ROBO1: variants seen among roughly 807,000 people sequenced by gnomAD.
ROBO1 encodes the protein roundabout guidance receptor 1.
Under a neutral mutation model 195.9 loss-of-function variants are expected in ROBO1, and 149 were observed. The observed-to-expected ratio is 0.76, with a 90% CI of 0.67 to 0.87. The LOEUF (loss-of-function observed/expected upper bound fraction) is 0.87, where lower values mean the gene tolerates loss of function less well. Among genes scored for constraint, ROBO1 ranks in the 40% least tolerant of loss-of-function variants. The pLI, the probability that ROBO1 is intolerant of heterozygous loss-of-function variation, is 0.00. For synonymous variants in ROBO1, 816 were observed against 733.2 expected (o/e 1.11, Z -1.82); for missense variants, 1,933 against 2,068.3 (o/e 0.93, Z 1.27).
At chr3:78,668,891 G>T (rs888308364) in intron 11 of ROBO1, among the ~76,000 whole-genome samples, 1 of 152,036 alleles carries the variant, frequency 6.6e-6, no homozygotes, top group African/African-American at 2.4e-5. Context: ...AATATTTATG[G>T]CTAAGATATA....
chr3:79,436,433 A>C (rs2107085451), intron 2 of ROBO1, among the ~76,000 whole-genome samples: 1 of 151,998 alleles, frequency 6.6e-6, no homozygotes, highest in African/African-American at 2.4e-5. Context: ...TTTCCATCTT[A>C]TTTCACCGCA....
intron 1 of ROBO1, among the ~76,000 whole-genome samples, chr3:79,650,903 A>AGCGTGTTATTAAATT: frequency 6.6e-6 from 1 of 152,134 alleles, no homozygotes; most frequent in Non-Finnish European, 1.5e-5. Flanking sequence ...GTTATTAAAT[A>AGCGTGTTATTAAATT]ACATGTTATT....
At chr3:78,682,171 A>C (rs1312971788) in intron 10 of ROBO1, among the ~76,000 whole-genome samples, 1 of 152,082 alleles carries the variant, frequency 6.6e-6, no homozygotes, top group African/African-American at 2.4e-5. Flanking sequence ...AGTTAGGATC[A>C]AGAAAAGTAT....
chr3:79,588,909 A>T (rs1943910851), intron 2 of ROBO1, among the ~76,000 whole-genome samples: 2 of 151,730 alleles, frequency 1.3e-5, no homozygotes, highest in Non-Finnish European at 3.0e-5. Context: ...AACCCAGCAC[A>T]GGGAAAAATT....
chr3:79,060,194 G>T (rs188664855), intron 3 of ROBO1, among the ~76,000 whole-genome samples: 27 of 152,092 alleles, frequency 1.8e-4, no homozygotes, highest in African/African-American at 6.0e-4. Flanking sequence ...TAGTCAGACT[G>T]GTTGTCTGCT....
intron 4 of ROBO1, among the ~76,000 whole-genome samples, chr3:78,889,141 G>C (rs1331655032): frequency 6.6e-6 from 1 of 152,142 alleles, no homozygotes; most frequent in Non-Finnish European, 1.5e-5. Context: ...GATCATAAAT[G>C]AATTCAATAT....
intron 2 of ROBO1, among the ~76,000 whole-genome samples, chr3:79,502,543 C>A (rs115138760): frequency 6.6e-6 from 1 of 152,044 alleles, no homozygotes; most frequent in Non-Finnish European, 1.5e-5. Flanking sequence ...GCCTCCCAGA[C>A]GAGCGCCATC....
chr3:79,645,446 G>A (rs1489498201), intron 1 of ROBO1, among the ~76,000 whole-genome samples: 1 of 152,034 alleles, frequency 6.6e-6, no homozygotes, highest in African/African-American at 2.4e-5. Context: ...AGGCTGCAGT[G>A]AGCTATGATC....
chr3:79,518,469 T>A (rs1025011344), intron 2 of ROBO1, among the ~76,000 whole-genome samples: 5 of 152,126 alleles, frequency 3.3e-5, no homozygotes, highest in Admixed American at 1.3e-4. Context: ...AGTTTTAGAG[T>A]TGCTACTTCC....
intron 2 of ROBO1, among the ~76,000 whole-genome samples, chr3:79,168,601 G>A (rs2081111534): frequency 2.0e-5 from 3 of 151,990 alleles, no homozygotes; most frequent in Admixed American, 6.6e-5. Context: ...CTTTGTAGAA[G>A]TCTCTCTCTA....
chr3:79,027,961 T>C (rs987265687), intron 3 of ROBO1, among the ~76,000 whole-genome samples: 2 of 152,068 alleles, frequency 1.3e-5, no homozygotes, highest in African/African-American at 4.8e-5. Flanking sequence ...AATTATTCTA[T>C]TTATACGAAG....
chr3:79,311,690 A>G (rs185072282), intron 2 of ROBO1, among the ~76,000 whole-genome samples: 1 of 152,174 alleles, frequency 6.6e-6, no homozygotes, highest in Non-Finnish European at 1.5e-5. Context: ...GCCTCCAGTA[A>G]TAACACTAGC....
At chr3:78,766,077 C>T (rs1054824500) in intron 4 of ROBO1, among the ~76,000 whole-genome samples, 7 of 152,136 alleles carry the variant, frequency 4.6e-5, no homozygotes, top group African/African-American at 1.7e-4. Flanking sequence ...GCCAAGTATA[C>T]TTTTGACCAC....
At chr3:79,689,181 A>T (rs1947227860) in intron 1 of ROBO1, among the ~76,000 whole-genome samples, 1 of 152,052 alleles carries the variant, frequency 6.6e-6, no homozygotes, top group Non-Finnish European at 1.5e-5. Context: ...AATACAGGAT[A>T]TCAAACCTTT....
At chr3:79,305,998 A>G (rs2109076634) in intron 2 of ROBO1, among the ~76,000 whole-genome samples, 1 of 152,322 alleles carries the variant, frequency 6.6e-6, no homozygotes, top group African/African-American at 2.4e-5. Context: ...TAATCTCCAA[A>G]AGGCAATTGA....
chr3:79,534,222 G>A (rs930076868), intron 2 of ROBO1, among the ~76,000 whole-genome samples: 2 of 146,864 alleles, frequency 1.4e-5, no homozygotes, highest in African/African-American at 5.0e-5. Context: ...CAGTCCTGCT[G>A]ACACCTTGAT....
intron 2 of ROBO1, among the ~76,000 whole-genome samples, chr3:79,175,202 C>CT (rs1308586185): frequency 6.6e-6 from 1 of 152,168 alleles, no homozygotes; most frequent in East Asian, 1.9e-4. Context: ...ACTTCTCAAA[C>CT]TTATAATAAA....
intron 1 of ROBO1, among the ~76,000 whole-genome samples, chr3:79,675,873 T>C (rs556299053): frequency 6.6e-6 from 1 of 152,224 alleles, no homozygotes; most frequent in East Asian, 1.9e-4. Context: ...CAGAACATGC[T>C]GTGCCAGTTA....
chr3:79,758,849 GC>G (rs1174485225), intron 1 of ROBO1, among the ~76,000 whole-genome samples: 7 of 152,058 alleles, frequency 4.6e-5, no homozygotes, highest in Non-Finnish European at 1.0e-4. Context: ...ATAAAAAAGG[GC>G]CAAAAAGAAT....
Sources: gnomAD v4.1 joint callset for allele counts (sites outside exome capture counted in the v4.1 genomes callset) on GRCh38, gnomAD v4.1.1 for gene constraint, MANE v1.5 for transcripts, NCBI Gene and HGNC (gene_info 2026-07-23, HGNC 2026-07-21) for gene names.